The following LRP11 variants were observed in gnomAD, a reference collection of about 807,000 sequenced individuals.
The protein encoded by LRP11 is LDL receptor related protein 11, also known as low-density lipoprotein receptor-related protein 11.
A neutral mutation model predicts 43.1 loss-of-function variants in LRP11; 25 were observed. The ratio of observed to expected loss-of-function variants is 0.58; its 90% confidence interval spans 0.42 to 0.81. The LOEUF (loss-of-function observed/expected upper bound fraction) is 0.81. Among genes scored for constraint, LRP11 ranks in the 30% least tolerant of loss-of-function variants. The probability of loss-of-function intolerance (pLI) is 0.00; values close to 1 mark genes in which losing one functional copy is unlikely to be tolerated. For missense variants in LRP11, 623 were observed against 665.1 expected, an observed-to-expected ratio of 0.94 and a Z score of 0.70; for synonymous variants, 316 against 299.4, an observed-to-expected ratio of 1.06 and a Z score of -0.57.
Position 149,863,869 on chromosome 6 carries a change from T to A in LRP11, c.152A>T (p.Gln51Leu). The A allele has an allele frequency of 6.7e-7, 1 of 1,501,350 alleles. No individual in the cohort carries two copies. Among genetic ancestry groups the A allele is most frequent in the Non-Finnish European group, 8.8e-7 (1 of 1,133,550 alleles). The allele number at this position is 1,501,350 out of a possible 1,614,324, so 93.0% of individuals were successfully genotyped here. A position where few individuals can be genotyped will look rare whatever the true frequency, so the allele number is the denominator to read the frequency against. ...CAGCAGCTGCTCCACGCCCGACAGC[T>A]GCGCGTGCAGTTCGGACAGCGGCGC... ...PAAPLSELHA[Q>L]LSGVEQLLEE... The change falls in exon 1 of 7, where the codon CAG becomes CTG. Residue 51 changes from glutamine (Q) to leucine (L), a missense_variant. Gln to Leu is a moderately radical substitution (Grantham distance 113). Transcript: ENST00000239367.
At chr6:149,825,348 C>A (rs921681473) in intron 6 of LRP11, among the ~76,000 whole-genome samples, 1 of 152,162 alleles carries the variant, frequency 6.6e-6, no homozygotes, top group Non-Finnish European at 1.5e-5. Flanking sequence ...ACTTCCTACA[C>A]CCTTCCCTCA....
At chr6:149,820,993 CA>C (rs1387195756) in intron 6 of LRP11, among the ~76,000 whole-genome samples, 1 of 143,024 alleles carries the variant, frequency 7.0e-6, no homozygotes, top group Non-Finnish European at 1.5e-5. Context: ...TGTAATGGCT[CA>C]ATCTCGGCTC....
At chr6:149,854,640 C>T (rs1171458582) in intron 1 of LRP11, among the ~76,000 whole-genome samples, 1 of 152,236 alleles carries the variant, frequency 6.6e-6, no homozygotes, top group Admixed American at 6.5e-5. Flanking sequence ...AAAAACTCTA[C>T]AGGTTTGTGT....
Position 149,820,006 on chromosome 6 carries a change from G to A in LRP11, c.*543C>T, listed in dbSNP as rs1287376776. 2 of 153,286 alleles carry A rather than the reference G, an allele frequency of 1.3e-5. No individual in the cohort carries two copies. The highest frequency in any genetic ancestry group is 2.9e-5 in the Non-Finnish European group (2 of 68,928). 9.5% of individuals were successfully genotyped at this position (153,286 alleles called of 1,614,324 possible). A position where few individuals can be genotyped will look rare whatever the true frequency, so the allele number is the denominator to read the frequency against. On this transcript the variant is annotated 3_prime_UTR_variant, in exon 7 of 7. Transcript: ENST00000239367. ...CACCTTCCCTAAGGCTTACTGACTT[G>A]TACATAAGGTTTATAATTTAGGTAT...
chr6:149,836,260 A>G lies in LRP11; in HGVS notation c.1077T>C (p.Ala359=), dbSNP rs114122005. The G allele has an allele frequency of 1.6e-4, 264 of 1,614,208 alleles. No individual in the cohort carries two copies. In the African/African-American group the frequency reaches 2.7e-3, roughly 16 times the overall value. Residue 359 remains alanine (A), a synonymous_variant, in exon 5 of 7, where the codon GCT becomes GCC. Coordinates refer to ENST00000239367, the MANE Select transcript of LRP11 (RefSeq NM_032832.6). ...CTGTGGTTCTTGGCAGGGCAGGACT[A>G]GCTGCCGTGTGGGTTACCATCTTGC... ...LDRKMVTHTA[A]SPALPRTTGP...
At chr6:149,848,931 CTTGCCTCTGTTGCCATA>C (rs1055566384) in intron 2 of LRP11, among the ~76,000 whole-genome samples, 1 of 152,188 alleles carries the variant, frequency 6.6e-6, no homozygotes, top group African/African-American at 2.4e-5. Flanking sequence ...AGAGGGCTGC[CTTGCCTCTGTTGCCATA>C]TGAGGACACA....
chr6:149,823,391 G>A (rs979813255), intron 6 of LRP11, among the ~76,000 whole-genome samples: 1 of 152,186 alleles, frequency 6.6e-6, no homozygotes, highest in South Asian at 2.1e-4. Context: ...AGGAGATGAT[G>A]AGAAATGAAC....
rs149517761 is a variant in LRP11, at chr6:149,858,096, C to T, written c.614-4936G>A. Among the ~76,000 whole-genome samples the T allele has an allele frequency of 5.3e-5, 8 of 152,240 alleles. No homozygotes were observed. In the East Asian group the frequency reaches 1.5e-3, roughly 29 times the overall value. On this transcript the variant is annotated intron_variant, in intron 1 of 6. Transcript: ENST00000239367. ...TTAAAAGTTCTAAGGTACATGTGCA[C>T]AACGTGCAGGTTTGTTACATAGGTA...
chr6:149,844,439 C>T (rs578114336), intron 2 of LRP11, among the ~76,000 whole-genome samples: 72 of 152,272 alleles, frequency 4.7e-4, no homozygotes, highest in South Asian at 4.4e-3. Context: ...TCCATGCTTG[C>T]CCTCTGCTCT....
Position 149,858,106 on chromosome 6 carries a change from G to A in LRP11, c.614-4946C>T, listed in dbSNP as rs929555023. Among the ~76,000 whole-genome samples the A allele has an allele frequency of 5.3e-5, 8 of 152,106 alleles. No homozygotes were observed. The South Asian group carries it at 1.5e-3, about 28-fold the overall frequency. ...TAAGGTACATGTGCACAACGTGCAG[G>A]TTTGTTACATAGGTATACATGTGCC... On this transcript the variant is annotated intron_variant, in intron 1 of 6. Transcript: ENST00000239367.
chr6:149,843,093 T>G lies in LRP11; in HGVS notation c.803A>C (p.His268Pro). The change falls in exon 3 of 7, where the codon CAC becomes CCC. Residue 268 changes from histidine to proline, a missense_variant. Transcript: ENST00000239367. ...VPQSGTLKLS[H>P]LQEGTYTFQL... ...GAAGGTGTAGGTTCCCTCCTGTAGGTGGGACAGCTTCAGGGTTCCTGATTG... is the reference window on the plus strand; with the variant it reads ...GAAGGTGTAGGTTCCCTCCTGTAGGGGGGACAGCTTCAGGGTTCCTGATTG... 1 of 1,614,058 alleles carries G rather than the reference T, an allele frequency of 6.2e-7. No homozygotes were observed. Among genetic ancestry groups the G allele is most frequent in the Non-Finnish European group, 8.5e-7 (1 of 1,179,976 alleles).
At chr6:149,820,776 TACGCGCTTTGC>T in intron 6 of LRP11, 73 bp from the exon 7 acceptor site, 2 of 729,420 alleles carry the variant, frequency 2.7e-6, no homozygotes, top group Non-Finnish European at 5.1e-6. Flanking sequence ...CACTATATGA[TACGCGCTTTGC>T]ATGCACTATT....
At position 149,864,275 on chromosome 6, in the gene LRP11, T is replaced by C. The variant is rs544347610; in HGVS notation, c.-255A>G. ...CCTCGCCGGAGACTGCCCAGCGCCC[T>C]GCGCCTCTCCGCCCCGGCCTGCGGC... is the stretch of plus-strand genomic sequence containing the variant. On this transcript the variant is annotated 5_prime_UTR_variant, in exon 1 of 7. Coordinates refer to ENST00000239367, the MANE Select transcript of LRP11 (RefSeq NM_032832.6). 7.5e-6 allele frequency: 8 copies of C among 1,060,272 alleles called. No homozygotes were observed. Among genetic ancestry groups the C allele is most frequent in the African/African-American group, 1.7e-5 (1 of 59,178 alleles). The allele number at this position is 1,060,272 out of a possible 1,614,324, so 65.7% of individuals were successfully genotyped here. A position where few individuals can be genotyped will look rare whatever the true frequency, so the allele number is the denominator to read the frequency against.
chr6:149,850,487 A>T (rs1207911594), intron 2 of LRP11, among the ~76,000 whole-genome samples: 1 of 152,222 alleles, frequency 6.6e-6, no homozygotes, highest in Non-Finnish European at 1.5e-5. Flanking sequence ...GACATTAGTT[A>T]AAGAGGGAAC....
chr6:149,857,510 A>AG (rs1020536549), intron 1 of LRP11, among the ~76,000 whole-genome samples: 21 of 152,082 alleles, frequency 1.4e-4, no homozygotes, highest in African/African-American at 5.1e-4. Flanking sequence ...GTGTCAAAAA[A>AG]AAAAAAAAAA....
Position 149,819,386 on chromosome 6 carries a change from A to G in LRP11, c.*1163T>C, listed in dbSNP as rs1456083204. 1 of 152,200 alleles carries G rather than the reference A, an allele frequency of 6.6e-6. No homozygotes were observed. Among genetic ancestry groups the G allele is most frequent in the Non-Finnish European group, 1.5e-5 (1 of 68,038 alleles). The allele number at this position is 152,200 out of a possible 1,614,324, so 9.4% of individuals were successfully genotyped here. ...ATACACTCCTCTCAGAATCATTTCT[A>G]GAATGTGTATAATCCCGGCGTTAAG... is the stretch of plus-strand genomic sequence containing the variant. On this transcript the variant is annotated 3_prime_UTR_variant, in exon 7 of 7. Transcript: ENST00000239367.
chr6:149,843,182 A>C (rs1195026420), intron 2 of LRP11, 58 bp from the exon 3 acceptor site: 2 of 1,600,876 alleles, frequency 1.2e-6, no homozygotes, highest in African/African-American at 1.3e-5. Flanking sequence ...CGAGCCCAAC[A>C]CCATCCTCAA....
intron 2 of LRP11, among the ~76,000 whole-genome samples, chr6:149,844,301 C>T (rs1313080624): frequency 6.6e-6 from 1 of 152,050 alleles, no homozygotes; most frequent in East Asian, 1.9e-4. Context: ...CTGTATCTGG[C>T]CATGCTGGCC....
In LRP11 at chr6:149,820,357, C is replaced by T; in HGVS notation, c.*192G>A. On this transcript the variant is annotated 3_prime_UTR_variant, in exon 7 of 7. Coordinates refer to ENST00000239367, the MANE Select transcript of LRP11 (RefSeq NM_032832.6). ...TTTAGGAATCTTTAATCATGAATTCCTCTCTAAATTTCAAAATATTTTATG... is the reference window on the plus strand; with the variant it reads ...TTTAGGAATCTTTAATCATGAATTCTTCTCTAAATTTCAAAATATTTTATG... 2.2e-6 allele frequency: 1 copy of T among 446,144 alleles called. No homozygotes were observed. The highest frequency in any genetic ancestry group is 3.9e-6 in the Non-Finnish European group (1 of 253,736). 27.6% of individuals were successfully genotyped at this position (446,144 alleles called of 1,614,324 possible).
Sources: allele counts gnomAD v4.1 joint callset (sites outside exome capture counted in the v4.1 genomes callset), GRCh38; gene constraint gnomAD v4.1.1; transcripts MANE v1.5; gene names NCBI Gene and HGNC (gene_info 2026-07-23, HGNC 2026-07-21).